The following CCM2 variants were observed in gnomAD, a reference collection of about 807,000 sequenced individuals.
The protein encoded by CCM2 is CCM2 scaffold protein, also known as cerebral cavernous malformations 2 protein.
In CCM2, 25 loss-of-function variants were observed where a neutral mutation model predicts 44.9. The ratio of observed to expected loss-of-function variants is 0.56; its 90% CI spans 0.41 to 0.78. CCM2 has a LOEUF of 0.78. CCM2 is among the 30% of genes least tolerant of loss of function. The pLI is 0.00. For missense variants in CCM2, 481 were observed against 580.6 expected (o/e 0.83, Z 1.76); for synonymous variants, 219 against 241.1 (o/e 0.91, Z 0.85).
chr7:45,035,028 G>A (rs966081707), intron 1 of CCM2, among the ~76,000 whole-genome samples: 1 of 151,866 alleles, frequency 6.6e-6, no homozygotes, highest in African/African-American at 2.4e-5. Flanking sequence ...GTAGAGATGG[G>A]GTCCCACCAG....
At chr7:45,071,551 A>G in intron 6 of CCM2, 1 of 324,074 alleles carries the variant, frequency 3.1e-6, no homozygotes, top group South Asian at 2.4e-5. Context: ...GCCAAAACAT[A>G]GCAGCATAAA....
At position 45,070,358 on chromosome 7, in the gene CCM2, A is replaced by G. The variant is rs1474093287; in HGVS notation, c.745+397A>G. Reference sequence around the variant, plus strand: ...GCCTCCTTTTCAGTATGCCCAGACTATGGCTGCTCTTAATGTGAAACTCCT... The same window carrying G: ...GCCTCCTTTTCAGTATGCCCAGACTGTGGCTGCTCTTAATGTGAAACTCCT... On this transcript the variant is annotated intron_variant, in intron 6 of 9. Coordinates refer to ENST00000258781, the MANE Select transcript of CCM2 (RefSeq NM_031443.4). The G allele has an allele frequency of 3.3e-5, 14 of 425,200 alleles. No individual in the cohort carries two copies. The East Asian group carries it at 9.3e-4, about 28-fold the overall frequency. The allele number at this position is 425,200 out of a possible 1,614,324, so 26.3% of individuals were successfully genotyped here.
intron 1 of CCM2, among the ~76,000 whole-genome samples, chr7:45,036,400 G>C (rs772649028): frequency 1.3e-5 from 2 of 152,086 alleles, no homozygotes; most frequent in Non-Finnish European, 2.9e-5. Flanking sequence ...AGGCAGCAGG[G>C]TCAGGAAAAA....
At chr7:45,062,718 C>G (rs570762830) in intron 2 of CCM2, among the ~76,000 whole-genome samples, 2 of 151,568 alleles carry the variant, frequency 1.3e-5, no homozygotes, top group Non-Finnish European at 1.5e-5. Flanking sequence ...ACCAGCTACT[C>G]AGGAGGCTAA....
At chr7:45,000,465 GCA>G (rs1795557525) in intron 1 of CCM2, 102 bp downstream of exon 1, 50 of 65,850 alleles carry the variant, frequency 7.6e-4, no homozygotes, top group African/African-American at 1.7e-3. Context: ...GGGGGGGGGG[GCA>G]GTGGGCCAGC....
intron 1 of CCM2, among the ~76,000 whole-genome samples, chr7:45,003,489 T>C (rs986072915): frequency 3.3e-5 from 5 of 152,120 alleles, no homozygotes; most frequent in East Asian, 1.9e-4. Context: ...TCCTAACACT[T>C]TGGGAGGCCG....
At chr7:45,027,302 G>T (rs1039257070) in intron 1 of CCM2, 23 of 341,438 alleles carry the variant, frequency 6.7e-5, no homozygotes, top group Non-Finnish European at 1.1e-4. Context: ...AGCACGGCCT[G>T]TTGTCTCCAG....
intron 1 of CCM2, among the ~76,000 whole-genome samples, chr7:45,022,491 A>G (rs966180220): frequency 6.0e-5 from 9 of 150,710 alleles, no homozygotes; most frequent in African/African-American, 2.0e-4. Flanking sequence ...TATTTTTAGT[A>G]GAGACGGGGT....
chr7:45,020,550 A>G (rs910656172), intron 1 of CCM2, among the ~76,000 whole-genome samples: 11 of 152,186 alleles, frequency 7.2e-5, no homozygotes, highest in African/African-American at 2.4e-4. Flanking sequence ...CTAACCTGTC[A>G]TGTATGTAAT....
intron 2 of CCM2, among the ~76,000 whole-genome samples, chr7:45,039,309 C>T (rs1211693686): frequency 6.6e-6 from 1 of 152,194 alleles, no homozygotes; most frequent in East Asian, 1.9e-4. Flanking sequence ...ATTCCCAATT[C>T]CTTTTTCTTT....
intron 2 of CCM2, among the ~76,000 whole-genome samples, chr7:45,041,077 A>G (rs1797473729): frequency 6.6e-6 from 1 of 152,198 alleles, no homozygotes; most frequent in South Asian, 2.1e-4. Flanking sequence ...AGGAACAAAG[A>G]TAATTCCCAG....
At chr7:45,001,793 T>G (rs1024119188) in intron 1 of CCM2, among the ~76,000 whole-genome samples, 2 of 152,140 alleles carry the variant, frequency 1.3e-5, no homozygotes, top group African/African-American at 2.4e-5. Context: ...AGACTGTTTT[T>G]GGGGTACAAG....
At chr7:45,058,798 C>G (rs775368330) in intron 2 of CCM2, among the ~76,000 whole-genome samples, 2 of 151,678 alleles carry the variant, frequency 1.3e-5, no homozygotes, top group African/African-American at 2.4e-5. Context: ...TTTTTTGAGA[C>G]AGAGTTTTTG....
chr7:45,025,827 C>A (rs1318888430), intron 1 of CCM2, among the ~76,000 whole-genome samples: 2 of 152,228 alleles, frequency 1.3e-5, no homozygotes, highest in African/African-American at 2.4e-5. Flanking sequence ...AGCCACTGCA[C>A]CCGGCCGTTT....
chr7:45,060,827 G>T (rs1436564194), intron 2 of CCM2, among the ~76,000 whole-genome samples: 1 of 152,150 alleles, frequency 6.6e-6, no homozygotes, highest in Admixed American at 6.6e-5. Flanking sequence ...CTGCCTATCT[G>T]TTCTTACATG....
In CCM2 at chr7:45,067,949, T is replaced by C. The variant is rs534443254; in HGVS notation, c.473-494T>C. ...TCAGGAAAACCACTGAGTTACTCCA[T>C]GTATTTCAGGAGAACCTCATTTGTC... On this transcript the variant is annotated intron_variant, in intron 4 of 9. Coordinates refer to ENST00000258781, the MANE Select transcript of CCM2 (RefSeq NM_031443.4). 4.6e-5 allele frequency: 10 copies of C among 216,988 alleles called. No individual in the cohort carries two copies. The East Asian group carries it at 1.1e-3, about 25-fold the overall frequency. The allele number at this position is 216,988 out of a possible 1,614,324, so 13.4% of individuals were successfully genotyped here. A position where few individuals can be genotyped will look rare whatever the true frequency, so the allele number is the denominator to read the frequency against.
intron 1 of CCM2, 135 bp from the exon 2 acceptor site, chr7:45,038,118 C>T: frequency 9.6e-7 from 1 of 1,046,708 alleles, no homozygotes; most frequent in Non-Finnish European, 1.4e-6. Flanking sequence ...ACCTTTCTCA[C>T]CAGTCTGGCA....
upstream of CCM2, chr7:45,000,104 G>C (rs995359676): frequency 6.4e-6 from 1 of 156,838 alleles, no homozygotes; most frequent in African/African-American, 2.4e-5. Flanking sequence ...GAGGATGAGC[G>C]ACAACCGTGG....
intron 1 of CCM2, among the ~76,000 whole-genome samples, chr7:45,018,835 C>G (rs1302748459): frequency 6.6e-6 from 1 of 151,554 alleles, no homozygotes; most frequent in Non-Finnish European, 1.5e-5. Context: ...TCTCAGCTTA[C>G]TGCAACCTCT....
Sources: gnomAD v4.1 joint callset for allele counts (sites outside exome capture counted in the v4.1 genomes callset) on GRCh38, gnomAD v4.1.1 for gene constraint, MANE v1.5 for transcripts, NCBI Gene and HGNC (gene_info 2026-07-23, HGNC 2026-07-21) for gene names.